NEDD4: variants seen among roughly 807,000 people sequenced by gnomAD.
NEDD4 encodes E3 ubiquitin-protein ligase NEDD4.
Under a neutral mutation model 144.9 loss-of-function variants are expected in NEDD4, and 99 were observed. The observed-to-expected ratio is 0.68, with a 90% CI of 0.58 to 0.81. The LOEUF (loss-of-function observed/expected upper bound fraction) is 0.81, where lower values mean the gene tolerates loss of function less well. Among genes scored for constraint, NEDD4 ranks in the 30% least tolerant of loss-of-function variants. NEDD4 has a pLI of 0.00. For synonymous variants in NEDD4, 318 were observed against 350.6 expected, an observed-to-expected ratio of 0.91 and a Z score of 1.04; for missense variants, 985 against 1,065.9, an observed-to-expected ratio of 0.92 and a Z score of 1.06.
At chr15:55,858,111 C>A (rs773761455) in intron 11 of NEDD4, among the ~76,000 whole-genome samples, 8 of 152,058 alleles carry the variant, frequency 5.3e-5, no homozygotes, top group Admixed American at 2.0e-4. Flanking sequence ...CTGTTCTGTA[C>A]CTTGCTGTTT....
In NEDD4 at chr15:55,850,729, G is replaced by C; in HGVS notation, c.1160C>G (p.Thr387Ser). ...TKPTVQATVE[T>S]SQLTSSQSSA... ...ACTCTGGCTTGAGGTCAGCTGACTG[G>C]TCTCCACTGTGGCCTAGCACATTAA... Residue 387 changes from threonine (T) to serine (S), a missense_variant, in exon 14 of 29, where the codon ACC becomes AGC. Physicochemically the swap from Thr to Ser is moderately conservative, Grantham distance 58. Transcript: ENST00000435532. 6.2e-7 allele frequency: 1 copy of C among 1,613,478 alleles called. No homozygotes were observed. The highest frequency in any genetic ancestry group is 1.1e-5 in the South Asian group (1 of 91,046).
chr15:55,873,355 T>C (rs1432086060), intron 6 of NEDD4, among the ~76,000 whole-genome samples: 3 of 152,236 alleles, frequency 2.0e-5, no homozygotes, highest in Non-Finnish European at 4.4e-5. Flanking sequence ...ACTTTCATTT[T>C]CTTTGTTTCC....
intron 15 of NEDD4, 86 bp from the exon 16 acceptor site, chr15:55,848,661 T>A: frequency 1.6e-6 from 2 of 1,288,950 alleles, no homozygotes; most frequent in Non-Finnish European, 2.2e-6. Flanking sequence ...ATGGTTAATT[T>A]AACTTGCATA....
chr15:55,878,151 T>C (rs2035057979), intron 5 of NEDD4, among the ~76,000 whole-genome samples: 1 of 152,094 alleles, frequency 6.6e-6, no homozygotes, highest in African/African-American at 2.4e-5. Context: ...AAATTGAAGA[T>C]AAAGGTATGG....
intron 1 of NEDD4, 59 bp downstream of exon 1, chr15:55,993,452 G>C: frequency 6.4e-7 from 1 of 1,573,744 alleles, no homozygotes; most frequent in Non-Finnish European, 8.6e-7. Flanking sequence ...TACCTCCCCG[G>C]GTCCGGCTGC....
At chr15:55,886,016 T>G (rs2035373986) in intron 5 of NEDD4, among the ~76,000 whole-genome samples, 1 of 151,920 alleles carries the variant, frequency 6.6e-6, no homozygotes, top group Non-Finnish European at 1.5e-5. Context: ...AAAAAGGTAC[T>G]TCATTAAAAC....
intron 1 of NEDD4, among the ~76,000 whole-genome samples, chr15:55,982,607 C>G (rs1270690242): frequency 6.6e-6 from 1 of 152,112 alleles, no homozygotes; most frequent in African/African-American, 2.4e-5. Context: ...TGGAAGAGGG[C>G]CCAAGGGAGC....
intron 4 of NEDD4, among the ~76,000 whole-genome samples, chr15:55,945,618 T>G (rs985948555): frequency 6.6e-6 from 1 of 152,028 alleles, no homozygotes; most frequent in Non-Finnish European, 1.5e-5. Flanking sequence ...TTCCCCAACC[T>G]AGCAAGGCAT....
At chr15:55,851,580 G>A (rs543215554) in intron 13 of NEDD4, among the ~76,000 whole-genome samples, 2 of 151,982 alleles carry the variant, frequency 1.3e-5, no homozygotes, top group African/African-American at 4.8e-5. Flanking sequence ...AGGTTCAAGC[G>A]ATTCTCCTGC....
intron 4 of NEDD4, among the ~76,000 whole-genome samples, chr15:55,936,664 G>T (rs781206081): frequency 2.6e-4 from 40 of 152,196 alleles, no homozygotes; most frequent in Non-Finnish European, 5.9e-4. Flanking sequence ...ATGGGGTGAG[G>T]CTTTTTCAGA....
At chr15:55,893,416 CAAGA>C (rs1319935175) in intron 5 of NEDD4, among the ~76,000 whole-genome samples, 1 of 151,774 alleles carries the variant, frequency 6.6e-6, no homozygotes, top group Non-Finnish European at 1.5e-5. Context: ...GCTAACAGAT[CAAGA>C]AATACTTCAG....
chr15:55,943,539 G>A (rs1337462016), intron 4 of NEDD4, among the ~76,000 whole-genome samples: 1 of 152,198 alleles, frequency 6.6e-6, no homozygotes, highest in South Asian at 2.1e-4. Flanking sequence ...CGTAAGTCTT[G>A]GTGGCTTTCA....
intron 1 of NEDD4, among the ~76,000 whole-genome samples, chr15:55,978,347 A>C (rs1359101436): frequency 6.6e-6 from 1 of 152,198 alleles, no homozygotes; most frequent in East Asian, 1.9e-4. Flanking sequence ...CTTCTTTCAA[A>C]ATTAAGTGCC....
chr15:55,834,095 A>T lies in NEDD4; in HGVS notation c.2373T>A (p.His791Gln), dbSNP rs775488130. 3.1e-6 allele frequency: 5 copies of T among 1,613,714 alleles called. No individual in the cohort carries two copies. Among genetic ancestry groups the T allele is most frequent in the Non-Finnish European group, 4.2e-6 (5 of 1,179,990 alleles). Residue 791 changes from histidine (H) to glutamine (Q), a missense_variant, in exon 26 of 29, where the codon CAT (histidine) becomes CAA (glutamine). By Grantham distance (24) the His-to-Gln change is conservative. Coordinates refer to ENST00000435532, the MANE Select transcript of NEDD4 (RefSeq NM_006154.4). ...CACTGTAGCCATTTTTATACTTTGT[A>T]TGTTCCCTCCAGTCATTCACATCAA... ...GDVDVNDWRE[H>Q]TKYKNGYSAN... is the part of the protein sequence containing the mutation.
At position 55,834,075 on chromosome 15, in the gene NEDD4, T is replaced by C. The variant is rs1452979539; in HGVS notation, c.2393A>G (p.Tyr798Cys). 1 of 1,613,700 alleles carries C rather than the reference T, an allele frequency of 6.2e-7. No homozygotes were observed. ...CTGTATAACCTGATGATTTGCACTG[T>C]AGCCATTTTTATACTTTGTATGTTC... ...WREHTKYKNG[Y>C]SANHQVIQWF... is the part of the protein sequence containing the mutation. The change falls in exon 26 of 29, where the codon TAC (tyrosine) becomes TGC (cysteine). Residue 798 changes from tyrosine (Y) to cysteine (C), a missense_variant. Coordinates refer to ENST00000435532, the MANE Select transcript of NEDD4 (RefSeq NM_006154.4).
At chr15:55,877,958 C>T (rs1245025712) in intron 5 of NEDD4, among the ~76,000 whole-genome samples, 1 of 152,070 alleles carries the variant, frequency 6.6e-6, no homozygotes, top group South Asian at 2.1e-4. Flanking sequence ...CTTTTTGGCA[C>T]CACAAAAATG....
chr15:55,857,814 C>T (rs2034255352), intron 11 of NEDD4, among the ~76,000 whole-genome samples: 1 of 152,058 alleles, frequency 6.6e-6, no homozygotes, highest in South Asian at 2.1e-4. Context: ...ATGGCATGTG[C>T]CTGTAGTACC....
At chr15:55,943,792 G>A (rs1216676653) in intron 4 of NEDD4, among the ~76,000 whole-genome samples, 2 of 152,284 alleles carry the variant, frequency 1.3e-5, no homozygotes, top group East Asian at 1.9e-4. Flanking sequence ...GGCCACTATC[G>A]TCCAGACCCC....
At chr15:55,946,976 C>A (rs554533501) in intron 4 of NEDD4, among the ~76,000 whole-genome samples, 1 of 152,238 alleles carries the variant, frequency 6.6e-6, no homozygotes, top group South Asian at 2.1e-4. Context: ...AAAGACACAA[C>A]ATACCAGAAT....
Sources: allele counts gnomAD v4.1 joint callset (sites outside exome capture counted in the v4.1 genomes callset), GRCh38; gene constraint gnomAD v4.1.1; transcripts MANE v1.5; gene names NCBI Gene and HGNC (gene_info 2026-07-23, HGNC 2026-07-21).